The following CORO2B variants were observed in gnomAD, a reference collection of about 807,000 sequenced individuals.
CORO2B encodes the protein coronin 2B, also known as coronin-2B.
In CORO2B, 26 loss-of-function variants were observed where a neutral mutation model predicts 58.8. The ratio of observed to expected loss-of-function variants is 0.44; its 90% CI spans 0.32 to 0.61. CORO2B has a LOEUF of 0.61. Ranked by LOEUF, CORO2B falls within the 20% of genes least tolerant of loss-of-function variation. The probability of loss-of-function intolerance (pLI) is 0.04; values close to 1 mark genes in which losing one functional copy is unlikely to be tolerated. For synonymous variants in CORO2B, 242 were observed against 253.8 expected (o/e 0.95, Z 0.44); for missense variants, 460 against 645.1 (o/e 0.71, Z 3.11).
chr15:68,667,513 C>T (rs148045986), intron 2 of CORO2B, among the ~76,000 whole-genome samples: 5 of 152,326 alleles, frequency 3.3e-5, no homozygotes, highest in South Asian at 4.1e-4. Flanking sequence ...GGGATCTTTT[C>T]GGACAGAGAA....
chr15:68,698,341 A>C (rs889810800), intron 3 of CORO2B, among the ~76,000 whole-genome samples: 1 of 152,160 alleles, frequency 6.6e-6, no homozygotes, highest in Non-Finnish European at 1.5e-5. Flanking sequence ...GGGCTCCTGG[A>C]ATCACTGGCC....
At chr15:68,574,292 C>T (rs557002348), upstream of CORO2B, among the ~76,000 whole-genome samples, 323 of 152,246 alleles carry the variant, frequency 2.1e-3, 1 homozygote, top group Non-Finnish European at 3.9e-3. Context: ...GTGGGCATGC[C>T]GCCTGGGGTG....
chr15:68,625,053 A>G (rs1900637173), intron 1 of CORO2B, among the ~76,000 whole-genome samples: 1 of 152,142 alleles, frequency 6.6e-6, no homozygotes, highest in African/African-American at 2.4e-5. Context: ...ACTGCAGGAC[A>G]AGTGACTGTA....
chr15:68,570,663 G>C, the CORO2B span, among the ~76,000 whole-genome samples: 2 of 152,118 alleles, frequency 1.3e-5, no homozygotes, highest in Admixed American at 6.5e-5. Context: ...TGGAAGCTGT[G>C]GTCTGTCCCA....
intron 2 of CORO2B, among the ~76,000 whole-genome samples, chr15:68,673,734 G>A (rs1160357268): frequency 3.3e-5 from 5 of 151,662 alleles, no homozygotes; most frequent in Non-Finnish European, 5.9e-5. Context: ...CTACTCAGGA[G>A]GCTGAGGCAG....
At chr15:68,612,510 A>C (rs1348165864) in intron 1 of CORO2B, among the ~76,000 whole-genome samples, 1 of 152,228 alleles carries the variant, frequency 6.6e-6, no homozygotes, top group Non-Finnish European at 1.5e-5. Flanking sequence ...GGGGTAGAGC[A>C]GGAAAACTGA....
At chr15:68,703,992 G>A (rs931721181) in intron 3 of CORO2B, among the ~76,000 whole-genome samples, 7 of 151,124 alleles carry the variant, frequency 4.6e-5, no homozygotes, top group Non-Finnish European at 7.4e-5. Flanking sequence ...TCAGGAGTTC[G>A]AGACCAACCT....
At chr15:68,621,190 G>C (rs1339943925) in intron 1 of CORO2B, among the ~76,000 whole-genome samples, 1 of 152,136 alleles carries the variant, frequency 6.6e-6, no homozygotes, top group African/African-American at 2.4e-5. Context: ...ATGAGCAATT[G>C]AGCATCTTGG....
chr15:68,677,996 G>C (rs550154338), intron 2 of CORO2B, among the ~76,000 whole-genome samples: 1 of 152,278 alleles, frequency 6.6e-6, no homozygotes, highest in East Asian at 1.9e-4. Context: ...AGGCCTGGTG[G>C]GGCCCAGCCC....
At chr15:68,605,728 T>G (rs928009028) in intron 1 of CORO2B, among the ~76,000 whole-genome samples, 5 of 140,678 alleles carry the variant, frequency 3.6e-5, no homozygotes, top group African/African-American at 1.3e-4. Context: ...TTTTTTTTTT[T>G]TTTTTTTTTT....
the CORO2B span, among the ~76,000 whole-genome samples, chr15:68,539,728 T>C: frequency 6.6e-6 from 1 of 152,212 alleles, no homozygotes; most frequent in East Asian, 1.9e-4. Flanking sequence ...GAAATACTTA[T>C]TAATGCATTT....
chr15:68,554,838 G>T, the CORO2B span, among the ~76,000 whole-genome samples: 1 of 152,274 alleles, frequency 6.6e-6, no homozygotes, highest in East Asian at 1.9e-4. Context: ...GCAGGAAGAG[G>T]CCCCCAGGGT....
chr15:68,693,677 T>C (rs988212954), intron 2 of CORO2B, among the ~76,000 whole-genome samples: 3 of 152,218 alleles, frequency 2.0e-5, no homozygotes, highest in Non-Finnish European at 2.9e-5. Context: ...GTTTGTGGAC[T>C]CACCCCCTCC....
intron 2 of CORO2B, among the ~76,000 whole-genome samples, chr15:68,692,639 T>G (rs558910432): frequency 5.0e-4 from 75 of 149,926 alleles, no homozygotes; most frequent in African/African-American, 1.8e-3. Context: ...TTCCTTTTTT[T>G]TTTGTTTTTT....
At chr15:68,608,126 T>C (rs929831615) in intron 1 of CORO2B, among the ~76,000 whole-genome samples, 1 of 152,260 alleles carries the variant, frequency 6.6e-6, no homozygotes, top group South Asian at 2.1e-4. Flanking sequence ...TCCTGCTACC[T>C]ACCTCTGGGG....
intron 4 of CORO2B, among the ~76,000 whole-genome samples, chr15:68,711,084 G>C (rs1892905700): frequency 6.6e-6 from 1 of 152,188 alleles, no homozygotes. Flanking sequence ...ACAGAGGCCG[G>C]AGGCATCTTT....
At chr15:68,682,982 C>T (rs539643877) in intron 2 of CORO2B, among the ~76,000 whole-genome samples, 90 of 152,272 alleles carry the variant, frequency 5.9e-4, no homozygotes, top group Admixed American at 3.2e-3. Context: ...GGCCAAATGG[C>T]GAACAGAAGG....
At chr15:68,539,962 C>T in the CORO2B span, among the ~76,000 whole-genome samples, 10 of 152,094 alleles carry the variant, frequency 6.6e-5, 1 homozygote, top group South Asian at 4.1e-4. Context: ...TTTACGCAAG[C>T]GTGCAGTTGA....
intron 2 of CORO2B, among the ~76,000 whole-genome samples, chr15:68,671,674 C>G (rs1902399185): frequency 6.6e-6 from 1 of 152,204 alleles, no homozygotes; most frequent in Non-Finnish European, 1.5e-5. Context: ...CACTTCCTTG[C>G]AGGCTGTTGG....
Sources: allele counts gnomAD v4.1 joint callset (sites outside exome capture counted in the v4.1 genomes callset), GRCh38; gene constraint gnomAD v4.1.1; transcripts MANE v1.5; gene names NCBI Gene and HGNC (gene_info 2026-07-23, HGNC 2026-07-21).